The following PXYLP1 variants were observed in gnomAD, a reference collection of about 807,000 sequenced individuals.
The protein encoded by PXYLP1 is acid phosphatase-like 2.
PXYLP1 carries 17 observed loss-of-function variants against 37.9 expected under a neutral mutation model. The observed-to-expected ratio is 0.45, with a 90% CI of 0.31 to 0.67. The LOEUF is 0.67. Ranked by LOEUF, PXYLP1 falls within the 30% of genes least tolerant of loss-of-function variation. The pLI is 0.07. For synonymous variants in PXYLP1, 221 were observed against 232.2 expected, an observed-to-expected ratio of 0.95 and a Z score of 0.44; for missense variants, 511 against 612.0, an observed-to-expected ratio of 0.84 and a Z score of 1.74.
chr3:141,290,648 G>A (rs917681584), intron 5 of PXYLP1, among the ~76,000 whole-genome samples: 1 of 152,144 alleles, frequency 6.6e-6, no homozygotes, highest in African/African-American at 2.4e-5. Flanking sequence ...AGTATAAGAA[G>A]CCCTAAATAG....
At chr3:141,234,592 T>C (rs1470136445) in intron 1 of PXYLP1, among the ~76,000 whole-genome samples, 1 of 152,196 alleles carries the variant, frequency 6.6e-6, no homozygotes, top group Non-Finnish European at 1.5e-5. Flanking sequence ...CACTGTGGCT[T>C]GCAGCTCTAT....
At chr3:141,247,755 G>A (rs778074670) in intron 1 of PXYLP1, among the ~76,000 whole-genome samples, 36 of 152,134 alleles carry the variant, frequency 2.4e-4, no homozygotes, top group Admixed American at 2.0e-3. Context: ...TTTGAAAGAC[G>A]TATTAAGTAA....
intron 2 of PXYLP1, among the ~76,000 whole-genome samples, chr3:141,260,549 C>T (rs1255596266): frequency 6.6e-6 from 1 of 152,206 alleles, no homozygotes; most frequent in Non-Finnish European, 1.5e-5. Context: ...TATGCTGAAC[C>T]ACACAGAGCA....
At chr3:141,281,929 G>A (rs1328869520) in intron 4 of PXYLP1, among the ~76,000 whole-genome samples, 1 of 152,188 alleles carries the variant, frequency 6.6e-6, no homozygotes, top group East Asian at 1.9e-4. Context: ...CAGCAAGGGA[G>A]TATGTCCAGG....
intron 2 of PXYLP1, among the ~76,000 whole-genome samples, chr3:141,267,870 T>C (rs1047879715): frequency 8.0e-5 from 12 of 149,758 alleles, no homozygotes; most frequent in African/African-American, 2.3e-4. Flanking sequence ...TCCCTCTCTG[T>C]CTCTCTCCCT....
At chr3:141,252,526 T>A (rs934761233) in intron 1 of PXYLP1, among the ~76,000 whole-genome samples, 4 of 152,078 alleles carry the variant, frequency 2.6e-5, no homozygotes, top group African/African-American at 9.7e-5. Flanking sequence ...TAACCAGCTC[T>A]CACGTCAACT....
intron 2 of PXYLP1, among the ~76,000 whole-genome samples, chr3:141,261,763 G>A (rs574038310): frequency 2.6e-5 from 4 of 152,292 alleles, no homozygotes; most frequent in African/African-American, 4.8e-5. Context: ...TGCCTAGCAC[G>A]TAGTAATATT....
At chr3:141,278,605 A>G (rs886715338) in intron 3 of PXYLP1, 105 bp downstream of exon 3, 1 of 1,414,976 alleles carries the variant, frequency 7.1e-7, no homozygotes, top group Non-Finnish European at 9.7e-7. Flanking sequence ...CAAGTCCTGC[A>G]GTTGCCACCA....
intron 5 of PXYLP1, among the ~76,000 whole-genome samples, chr3:141,288,438 G>A (rs1942126347): frequency 6.6e-6 from 1 of 152,204 alleles, no homozygotes; most frequent in South Asian, 2.1e-4. Context: ...GCCTCTGGAG[G>A]ACTAGCCGTG....
At position 141,278,623 on chromosome 3, in the gene PXYLP1, C is replaced by T. The variant is rs1941864316; in HGVS notation, c.238+123C>T. ...GTCCTGCAGTTGCCACCAGGCTGTG[C>T]CCTTGAATGAGTTCCTGGGTCCTTG... On this transcript the variant is annotated intron_variant, in intron 3 of 5. Coordinates refer to ENST00000286353, the MANE Select transcript of PXYLP1 (RefSeq NM_001037172.3). 2.1e-5 allele frequency: 27 copies of T among 1,266,250 alleles called. No homozygotes were observed. In the South Asian group the frequency reaches 3.9e-4, roughly 18 times the overall value. 78.4% of individuals were successfully genotyped at this position (1,266,250 alleles called of 1,614,324 possible).
At position 141,265,395 on chromosome 3, in the gene PXYLP1, G is replaced by A. The variant is rs114706478; in HGVS notation, c.79+5141G>A. 6.6e-3 allele frequency among the ~76,000 whole-genome samples: 1,001 copies of A among 151,940 alleles called. 12 individuals carry two copies. Among genetic ancestry groups the A allele is most frequent in the African/African-American group, 0.022 (924 of 41,426 alleles). The stretch of plus-strand genomic sequence containing the variant: ...TTCCTTACAGAATCAGAATCTTGGT[G>A]GTAGTGGAACCCAGAAATCTGCATC... On this transcript the variant is annotated intron_variant, in intron 2 of 5. Transcript: ENST00000286353.
chr3:141,268,882 T>A (rs983767948), intron 2 of PXYLP1, among the ~76,000 whole-genome samples: 4 of 152,206 alleles, frequency 2.6e-5, no homozygotes, highest in African/African-American at 9.7e-5. Context: ...CTCTAGGATT[T>A]ATCTGGCTGG....
At chr3:141,275,233 T>C (rs72982591) in intron 2 of PXYLP1, among the ~76,000 whole-genome samples, 3,578 of 152,316 alleles carry the variant, frequency 0.023, 154 homozygotes, top group African/African-American at 0.081. Flanking sequence ...CTGATCTTTA[T>C]CTGTGGTTTT....
intron 1 of PXYLP1, among the ~76,000 whole-genome samples, chr3:141,247,682 T>C (rs17204236): frequency 0.017 from 2,543 of 152,364 alleles, 36 homozygotes; most frequent in Non-Finnish European, 0.025. Flanking sequence ...AGTAACTCCA[T>C]GCGCCTTGTA....
At position 141,242,671 on chromosome 3, in the gene PXYLP1, T is replaced by C. The variant is rs529390211; in HGVS notation, c.-54+10760T>C. Among the ~76,000 whole-genome samples, 5 of 152,356 alleles carry C rather than the reference T, an allele frequency of 3.3e-5. No homozygotes were observed. In the South Asian group the frequency reaches 1.0e-3, roughly 32 times the overall value. ...TTGCTTCAAGCTGGGTTAATCTGTA[T>C]TTGTAGACAGAGACTGAATAGTTTG... On this transcript the variant is annotated intron_variant, in intron 1 of 5. Transcript: ENST00000286353.
rs1941862331 is a variant in PXYLP1 at position 141,278,555 on chromosome 3, GCAGCATTGCA to G, written c.238+61_238+70del. 4 of 1,599,704 alleles carry G rather than the reference GCAGCATTGCA, an allele frequency of 2.5e-6. No homozygotes were observed. The South Asian group carries it at 4.5e-5, about 18-fold the overall frequency. Reference sequence around the variant, plus strand: ...ACCCCTTTGGGGACTAGTTATTCCAGCAGCATTGCACAGCAGTAAGGAGCAAGATGGCCAG... The same window carrying G: ...ACCCCTTTGGGGACTAGTTATTCCAGCAGCAGTAAGGAGCAAGATGGCCAG... On this transcript the variant is annotated intron_variant, in intron 3 of 5. Transcript: ENST00000286353.
chr3:141,233,390 G>A (rs1447870901), intron 1 of PXYLP1, among the ~76,000 whole-genome samples: 1 of 151,060 alleles, frequency 6.6e-6, no homozygotes, highest in African/African-American at 2.4e-5. Context: ...GCTTGCACCT[G>A]GGAGGCAGAG....
chr3:141,245,583 G>GT (rs1435154954), intron 1 of PXYLP1, among the ~76,000 whole-genome samples: 1 of 152,132 alleles, frequency 6.6e-6, no homozygotes, highest in Non-Finnish European at 1.5e-5. Context: ...CACCTGGAGT[G>GT]TTTTTTATTT....
At chr3:141,260,079 C>T (rs3796259) in intron 1 of PXYLP1, 44 bp from the exon 2 acceptor site, 380,328 of 1,426,592 alleles carry the variant, frequency 0.27, 64,122 homozygotes, top group African/African-American at 0.77. Context: ...AAATTTAGTT[C>T]TCCACCTCTA....
Sources: allele counts gnomAD v4.1 joint callset (sites outside exome capture counted in the v4.1 genomes callset), GRCh38; gene constraint gnomAD v4.1.1; transcripts MANE v1.5; gene names NCBI Gene and HGNC (gene_info 2026-07-23, HGNC 2026-07-21).